SERBP1: variants seen among roughly 807,000 people sequenced by gnomAD.
SERBP1 encodes SERPINE1 mRNA binding protein 1.
A neutral mutation model predicts 50.2 loss-of-function variants in SERBP1; 6 were observed. The observed-to-expected ratio is 0.12, with a 90% CI of 0.07 to 0.24. SERBP1 has a LOEUF of 0.24. Ranked by LOEUF, SERBP1 falls within the 10% of genes least tolerant of loss-of-function variation. The probability of loss-of-function intolerance (pLI) is 1.00; values close to 1 mark genes in which losing one functional copy is unlikely to be tolerated. For missense variants in SERBP1, 346 were observed against 524.9 expected (o/e 0.66, Z 3.33); for synonymous variants, 168 against 182.8 (o/e 0.92, Z 0.65).
rs1557494848 is a variant in SERBP1 at position 67,408,337 on chromosome 1, A to C, written c.*4870T>G. The C allele has an allele frequency of 6.6e-6, 1 of 152,346 alleles. No individual in the cohort carries two copies. Among genetic ancestry groups the C allele is most frequent in the East Asian group, 1.9e-4 (1 of 5,186 alleles). The allele number at this position is 152,346 out of a possible 1,614,324, so 9.4% of individuals were successfully genotyped here. A position where few individuals can be genotyped will look rare whatever the true frequency, so the allele number is the denominator to read the frequency against. On this transcript the variant is annotated 3_prime_UTR_variant, in exon 8 of 8. Coordinates refer to ENST00000361219, the MANE Select transcript of SERBP1 (RefSeq NM_001018069.2). ...GTCTCAAGAAGAGTAATGTCATACA[A>C]GAGCACTAGGAATTGCCACATACTC...
intron 1 of SERBP1, among the ~76,000 whole-genome samples, chr1:67,428,183 T>C (rs1009918958): frequency 5.3e-5 from 8 of 152,194 alleles, no homozygotes; most frequent in African/African-American, 1.9e-4. Flanking sequence ...AACTTAACAG[T>C]AGTGCTCTGA....
chr1:67,421,958 T>C (rs372761356), intron 5 of SERBP1, among the ~76,000 whole-genome samples: 18 of 152,186 alleles, frequency 1.2e-4, no homozygotes, highest in African/African-American at 1.4e-4. Context: ...AAAAGTTGTG[T>C]TGACCACTAT....
chr1:67,423,168 G>A (rs1017066600), intron 5 of SERBP1, among the ~76,000 whole-genome samples: 5 of 151,352 alleles, frequency 3.3e-5, no homozygotes, highest in East Asian at 1.9e-4. Context: ...GCATGGTGGC[G>A]GGTGCCTGTA....
intron 5 of SERBP1, among the ~76,000 whole-genome samples, chr1:67,423,509 A>G (rs1667271312): frequency 6.6e-6 from 1 of 151,896 alleles, no homozygotes; most frequent in South Asian, 2.1e-4. Context: ...TAGGAGGCTG[A>G]CGTGGAAGGA....
chr1:67,429,936 C>T, intron 1 of SERBP1, 52 bp downstream of exon 1: 1 of 1,517,536 alleles, frequency 6.6e-7, no homozygotes, highest in Non-Finnish European at 8.8e-7. Flanking sequence ...CCGGCAGCCC[C>T]CTCGCTCCTT....
chr1:67,429,383 C>G (rs369891904), intron 1 of SERBP1: 2 of 152,334 alleles, frequency 1.3e-5, no homozygotes, highest in South Asian at 4.1e-4. Flanking sequence ...TGAGAAAGTC[C>G]TAACAGTTGA....
chr1:67,416,359 T>C (rs530902548), intron 6 of SERBP1, among the ~76,000 whole-genome samples: 1 of 152,316 alleles, frequency 6.6e-6, no homozygotes, highest in South Asian at 2.1e-4. Flanking sequence ...CCAGATCCTC[T>C]TTTCTATTTG....
rs762832454 is a variant in SERBP1 at position 67,430,107 on chromosome 1, G to A, written c.194C>T (p.Ala65Val). ...AQAAAQTNSN[A>V]AGKQLRKESQ... is the part of the protein sequence containing the mutation. Reference sequence around the variant, plus strand: ...CTCCTTGCGCAGCTGTTTGCCTGCCGCGTTGGAGTTGGTCTGGGCCGCGGC... The same window carrying A: ...CTCCTTGCGCAGCTGTTTGCCTGCCACGTTGGAGTTGGTCTGGGCCGCGGC... The change falls in exon 1 of 8, where the codon GCG (alanine) becomes GTG (valine). Residue 65 changes from alanine (A) to valine (V), a missense_variant. Transcript: ENST00000361219. The A allele has an allele frequency of 1.2e-5, 19 of 1,612,502 alleles. No individual in the cohort carries two copies. In the South Asian group the frequency reaches 2.1e-4, roughly 18 times the overall value.
chr1:67,415,465 C>G (rs1666974792), intron 6 of SERBP1, 126 bp from the exon 7 acceptor site: 3 of 868,418 alleles, frequency 3.5e-6, no homozygotes, highest in Non-Finnish European at 5.1e-6. Flanking sequence ...ACAAATGTCT[C>G]AATGCCTCCA....
chr1:67,416,716 T>G (rs567844136), intron 6 of SERBP1, among the ~76,000 whole-genome samples: 1 of 152,282 alleles, frequency 6.6e-6, no homozygotes, highest in Admixed American at 6.5e-5. Context: ...TTACATCAAC[T>G]CATACTAGTA....
At chr1:67,429,129 G>C (rs1557509486) in intron 1 of SERBP1, among the ~76,000 whole-genome samples, 1 of 151,934 alleles carries the variant, frequency 6.6e-6, no homozygotes, top group South Asian at 2.1e-4. Context: ...AAAAAACTGC[G>C]AACTCTAAAG....
chr1:67,410,720 T>C lies in SERBP1; in HGVS notation c.*2487A>G, dbSNP rs182375976. 46 of 152,318 alleles carry C rather than the reference T, an allele frequency of 3.0e-4. No individual in the cohort carries two copies. The East Asian group carries it at 3.5e-3, about 11-fold the overall frequency. The allele number at this position is 152,318 out of a possible 1,614,324, so 9.4% of individuals were successfully genotyped here. The stretch of plus-strand genomic sequence containing the variant: ...TAGGGATTTTTCCCCTAGACTATTA[T>C]AGCCAGTTTGTCAATCAAAAGTAGC... On this transcript the variant is annotated 3_prime_UTR_variant, in exon 8 of 8. Transcript: ENST00000361219.
At chr1:67,416,039 G>T (rs1666995385) in intron 6 of SERBP1, among the ~76,000 whole-genome samples, 2 of 147,908 alleles carry the variant, frequency 1.4e-5, no homozygotes, top group Non-Finnish European at 3.0e-5. Flanking sequence ...TTGAGACAGG[G>T]TCTCACTCTG....
chr1:67,413,443 G>A (rs1666902744), intron 7 of SERBP1, among the ~76,000 whole-genome samples, 180 bp from the exon 8 acceptor site: 1 of 152,102 alleles, frequency 6.6e-6, no homozygotes, highest in African/African-American at 2.4e-5. Flanking sequence ...GAGGTCAGGA[G>A]TTTGAGACCA....
Position 67,408,229 on chromosome 1 carries a change from T to TTTA in SERBP1, c.*4977_*4978insTAA, listed in dbSNP as rs1435980417. On this transcript the variant is annotated 3_prime_UTR_variant, in exon 8 of 8. Transcript: ENST00000361219. Reference sequence around the variant, plus strand: ...AGTATGAACCAATTATCTAAATAGATTTCTAAAAGTCCATAATGAATCAGA... The same window carrying TTTA: ...AGTATGAACCAATTATCTAAATAGATTTATTCTAAAAGTCCATAATGAATCAGA... The TTTA allele has an allele frequency of 4.6e-5, 7 of 152,278 alleles. No homozygotes were observed. In the East Asian group the frequency reaches 1.4e-3, roughly 29 times the overall value. The allele number at this position is 152,278 out of a possible 1,614,324, so 9.4% of individuals were successfully genotyped here.
Position 67,430,161 on chromosome 1 carries a change from C to A in SERBP1, c.140G>T (p.Gly47Val). ...AGCTGCGCTCTTGGCCCCAGGGCCC[C>A]CAACGCCGCCCCCGCCGGCTTCTTT... ...KKKEAGGGGV[G>V]GPGAKSAAQA... Residue 47 changes from glycine (G) to valine (V), a missense_variant, in exon 1 of 8, where the codon GGG (glycine) becomes GTG (valine). Physicochemically the swap from Gly to Val is moderately radical, Grantham distance 109. Transcript: ENST00000361219. The A allele has an allele frequency of 6.2e-7, 1 of 1,610,938 alleles. No individual in the cohort carries two copies. The highest frequency in any genetic ancestry group is 2.2e-5 in the East Asian group (1 of 44,870).
chr1:67,408,809 T>C lies in SERBP1; in HGVS notation c.*4398A>G, dbSNP rs1449036413. On this transcript the variant is annotated 3_prime_UTR_variant, in exon 8 of 8. Coordinates refer to ENST00000361219, the MANE Select transcript of SERBP1 (RefSeq NM_001018069.2). ...TCAAAATATATTTTATGTTGCAGGCTACCTATCTAAAAAATAATAAAACAT... is the reference window on the plus strand; with the variant it reads ...TCAAAATATATTTTATGTTGCAGGCCACCTATCTAAAAAATAATAAAACAT... 6.6e-6 allele frequency: 1 copy of C among 152,184 alleles called. No homozygotes were observed. Among genetic ancestry groups the C allele is most frequent in the Non-Finnish European group, 1.5e-5 (1 of 68,024 alleles). 9.4% of individuals were successfully genotyped at this position (152,184 alleles called of 1,614,324 possible). A position where few individuals can be genotyped will look rare whatever the true frequency, so the allele number is the denominator to read the frequency against.
chr1:67,421,248 A>C (rs912143082), intron 5 of SERBP1, among the ~76,000 whole-genome samples: 1 of 152,244 alleles, frequency 6.6e-6, no homozygotes, highest in Non-Finnish European at 1.5e-5. Flanking sequence ...AGAATATAAA[A>C]AAAGTCCTGC....
Position 67,418,780 on chromosome 1 carries a change from C to T in SERBP1, c.951+1229G>A, listed in dbSNP as rs1667112310. The stretch of plus-strand genomic sequence containing the variant: ...TCTCAAAAAAAAAAAATAAAAATAA[C>T]TAATACCTTATTGAAAGGGTTTGCC... On this transcript the variant is annotated intron_variant, in intron 6 of 7. Coordinates refer to ENST00000361219, the MANE Select transcript of SERBP1 (RefSeq NM_001018069.2). 2.0e-5 allele frequency among the ~76,000 whole-genome samples: 3 copies of T among 151,872 alleles called. 1 individual carries two copies. Among genetic ancestry groups the T allele is most frequent in the Non-Finnish European group, 4.4e-5 (3 of 67,934 alleles).
Sources: allele counts gnomAD v4.1 joint callset (sites outside exome capture counted in the v4.1 genomes callset), GRCh38; gene constraint gnomAD v4.1.1; transcripts MANE v1.5; gene names NCBI Gene and HGNC (gene_info 2026-07-23, HGNC 2026-07-21).